The following SLC35F1 variants were observed in gnomAD, a reference collection of about 807,000 sequenced individuals.
SLC35F1 encodes chromosome 6 open reading frame 169.
A neutral mutation model predicts 48.7 loss-of-function variants in SLC35F1; 14 were observed. The observed-to-expected ratio is 0.29, with a 90% confidence interval of 0.19 to 0.45. SLC35F1 has a LOEUF of 0.45. SLC35F1 is among the 20% of genes least tolerant of loss of function. The pLI is 1.00. For synonymous variants in SLC35F1, 190 were observed against 202.2 expected (o/e 0.94, Z 0.51); for missense variants, 404 against 500.0 (o/e 0.81, Z 1.83).
intron 3 of SLC35F1, among the ~76,000 whole-genome samples, chr6:118,251,880 T>C (rs942965073): frequency 6.6e-6 from 1 of 152,134 alleles, no homozygotes; most frequent in Non-Finnish European, 1.5e-5. Flanking sequence ...CTCATGAAGC[T>C]TCCTTCCTAA....
At chr6:118,096,585 G>A (rs1172107974) in intron 1 of SLC35F1, among the ~76,000 whole-genome samples, 1 of 152,096 alleles carries the variant, frequency 6.6e-6, no homozygotes, top group Non-Finnish European at 1.5e-5. Context: ...CAATAGATGG[G>A]CCTTCATTAT....
intron 1 of SLC35F1, among the ~76,000 whole-genome samples, chr6:117,979,154 T>G (rs539704855): frequency 6.6e-6 from 1 of 152,268 alleles, no homozygotes; most frequent in Non-Finnish European, 1.5e-5. Context: ...GATGGAAAGC[T>G]AGCGAAGAGC....
At chr6:117,999,427 C>T in intron 1 of SLC35F1, 2 of 1,588,108 alleles carry the variant, frequency 1.3e-6, no homozygotes, top group Non-Finnish European at 1.7e-6. Flanking sequence ...GTACCCAGGC[C>T]CCTACAAAGG....
intron 1 of SLC35F1, among the ~76,000 whole-genome samples, chr6:117,939,072 G>A (rs999559080): frequency 1.3e-5 from 2 of 149,036 alleles, no homozygotes; most frequent in Non-Finnish European, 1.5e-5. Flanking sequence ...ATGCAGTGGC[G>A]TGATCATGGC....
intron 3 of SLC35F1, among the ~76,000 whole-genome samples, chr6:118,258,950 T>C (rs2114611891): frequency 6.6e-6 from 1 of 152,056 alleles, no homozygotes; most frequent in African/African-American, 2.4e-5. Flanking sequence ...CTTACCATAG[T>C]TGACTACTTC....
At chr6:118,077,979 C>A (rs1772846694) in intron 1 of SLC35F1, among the ~76,000 whole-genome samples, 1 of 152,006 alleles carries the variant, frequency 6.6e-6, no homozygotes, top group Non-Finnish European at 1.5e-5. Flanking sequence ...TAAGTTCTAC[C>A]TTTTGGGATT....
chr6:118,250,508 G>A (rs755534924), intron 3 of SLC35F1, among the ~76,000 whole-genome samples: 7 of 152,302 alleles, frequency 4.6e-5, no homozygotes, highest in South Asian at 4.1e-4. Context: ...GCATTTTAGC[G>A]TAATCAATAC....
chr6:117,983,891 C>T (rs1776814756), intron 1 of SLC35F1, among the ~76,000 whole-genome samples: 1 of 152,088 alleles, frequency 6.6e-6, no homozygotes, highest in African/African-American at 2.4e-5. Flanking sequence ...GTCTAGGCCA[C>T]TGTATAAAAT....
intron 1 of SLC35F1, among the ~76,000 whole-genome samples, chr6:118,093,485 C>G (rs1252119376): frequency 6.6e-6 from 1 of 152,070 alleles, no homozygotes; most frequent in Non-Finnish European, 1.5e-5. Context: ...GCAGGTTATT[C>G]CCATGCTTTT....
At chr6:118,125,232 C>A (rs1773606690) in intron 1 of SLC35F1, among the ~76,000 whole-genome samples, 1 of 152,096 alleles carries the variant, frequency 6.6e-6, no homozygotes, top group South Asian at 2.1e-4. Context: ...ATTCAAAACT[C>A]CTATACTAGC....
At chr6:118,156,531 A>C (rs1774144206) in intron 2 of SLC35F1, among the ~76,000 whole-genome samples, 1 of 151,794 alleles carries the variant, frequency 6.6e-6, no homozygotes, top group African/African-American at 2.4e-5. Flanking sequence ...TTGGGGGTTG[A>C]GGGGCTGGGG....
rs1021354517 is a variant in SLC35F1, at chr6:118,061,745, G to A, written c.174-92700G>A. 6.6e-5 allele frequency among the ~76,000 whole-genome samples: 10 copies of A among 152,130 alleles called. No individual in the cohort carries two copies. The South Asian group carries it at 1.5e-3, about 22-fold the overall frequency. On this transcript the variant is annotated intron_variant, in intron 1 of 7. Coordinates refer to ENST00000360388, the MANE Select transcript of SLC35F1 (RefSeq NM_001029858.4). ...AGACAATTTTTCAATGGACTGGGCT[G>A]GGGATGGTTTTGGGATGAAACTGTT...
intron 4 of SLC35F1, among the ~76,000 whole-genome samples, chr6:118,267,653 G>C (rs763980833): frequency 5.3e-5 from 8 of 152,196 alleles, no homozygotes; most frequent in African/African-American, 1.2e-4. Flanking sequence ...AGTAAATAAA[G>C]TTTGAGGACT....
At chr6:118,272,737 G>GTATATATATATATATATA (rs1554243222) in intron 4 of SLC35F1, among the ~76,000 whole-genome samples, 3 of 120,250 alleles carry the variant, frequency 2.5e-5, no homozygotes, top group African/African-American at 9.7e-5. Context: ...ATATGTGTGT[G>GTATATATATATATATATA]TATATATATA....
At chr6:118,300,428 C>A (rs756332938) in intron 7 of SLC35F1, among the ~76,000 whole-genome samples, 37 of 152,184 alleles carry the variant, frequency 2.4e-4, no homozygotes, top group Non-Finnish European at 4.1e-4. Flanking sequence ...ATGTTCTTCA[C>A]ACTTTTAAGT....
At chr6:118,254,777 G>A (rs72965645) in intron 3 of SLC35F1, among the ~76,000 whole-genome samples, 9 of 152,212 alleles carry the variant, frequency 5.9e-5, no homozygotes, top group Non-Finnish European at 1.2e-4. Flanking sequence ...GCTTTGAAAT[G>A]TGTACTTGCT....
chr6:117,978,537 T>C (rs1204695939), intron 1 of SLC35F1, among the ~76,000 whole-genome samples: 2 of 152,200 alleles, frequency 1.3e-5, no homozygotes, highest in African/African-American at 4.8e-5. Context: ...AGTTACTCAC[T>C]ACAAAAACTT....
chr6:118,144,683 T>C lies in SLC35F1; in HGVS notation c.174-9762T>C, dbSNP rs184610640. 9.2e-5 allele frequency among the ~76,000 whole-genome samples: 14 copies of C among 151,868 alleles called. No individual in the cohort carries two copies. The East Asian group carries it at 2.3e-3, about 25-fold the overall frequency. Reference sequence around the variant, plus strand: ...GTTCACATCCCAGGGGGATATGTGATCCCCTAGTATTACGGAAGAAAATAT... The same window carrying C: ...GTTCACATCCCAGGGGGATATGTGACCCCCTAGTATTACGGAAGAAAATAT... On this transcript the variant is annotated intron_variant, in intron 1 of 7. Coordinates refer to ENST00000360388, the MANE Select transcript of SLC35F1 (RefSeq NM_001029858.4).
chr6:117,932,306 C>A (rs937530330), intron 1 of SLC35F1, among the ~76,000 whole-genome samples: 1 of 152,100 alleles, frequency 6.6e-6, no homozygotes, highest in Non-Finnish European at 1.5e-5. Context: ...GCAGCAGGAA[C>A]AGACTAAGAA....
Sources: gnomAD v4.1 joint callset for allele counts (sites outside exome capture counted in the v4.1 genomes callset) on GRCh38, gnomAD v4.1.1 for gene constraint, MANE v1.5 for transcripts, NCBI Gene and HGNC (gene_info 2026-07-23, HGNC 2026-07-21) for gene names.